PTK2: variants seen among roughly 807,000 people sequenced by gnomAD.
The protein encoded by PTK2 is focal adhesion kinase 1.
In PTK2, 45 loss-of-function variants were observed where a neutral mutation model predicts 150.1. That is an observed-to-expected ratio of 0.30 (90% CI 0.24 to 0.38). The LOEUF (loss-of-function observed/expected upper bound fraction) is 0.38. PTK2 is among the 10% of genes least tolerant of loss of function. The probability of loss-of-function intolerance (pLI) is 1.00; values close to 1 mark genes in which losing one functional copy is unlikely to be tolerated. For synonymous variants in PTK2, 432 were observed against 449.2 expected (o/e 0.96, Z 0.48); for missense variants, 919 against 1,307.3 (o/e 0.70, Z 4.58).
intron 1 of PTK2, among the ~76,000 whole-genome samples, chr8:140,964,746 G>C (rs774161299): frequency 6.6e-6 from 1 of 151,868 alleles, no homozygotes; most frequent in African/African-American, 2.4e-5. Context: ...TATAATGCTA[G>C]CAACAGTATA....
intron 4 of PTK2, among the ~76,000 whole-genome samples, chr8:140,871,126 T>C (rs1207402009): frequency 1.3e-5 from 2 of 152,232 alleles, no homozygotes; most frequent in South Asian, 2.1e-4. Flanking sequence ...ACAGACCATT[T>C]TGAAGTCTAA....
chr8:140,917,969 G>A (rs2100165961), intron 2 of PTK2, among the ~76,000 whole-genome samples: 2 of 152,144 alleles, frequency 1.3e-5, no homozygotes, highest in African/African-American at 4.8e-5. Flanking sequence ...TCTACTCTTA[G>A]GTATTTTTCT....
intron 7 of PTK2, among the ~76,000 whole-genome samples, chr8:140,835,295 C>T (rs1054602142): frequency 6.6e-6 from 1 of 152,170 alleles, no homozygotes; most frequent in East Asian, 1.9e-4. Context: ...TCTCTTCTGG[C>T]AATATTTCTG....
intron 10 of PTK2, among the ~76,000 whole-genome samples, chr8:140,815,346 T>C (rs557394767): frequency 2.0e-5 from 3 of 151,952 alleles, no homozygotes; most frequent in East Asian, 1.9e-4. Flanking sequence ...CTCCCACTTA[T>C]AAGGGAAGCT....
Position 140,744,645 on chromosome 8 carries a change from A to G in PTK2, c.1634+7T>C. The G allele has an allele frequency of 1.3e-6, 2 of 1,524,674 alleles. No individual in the cohort carries two copies. Among genetic ancestry groups the G allele is most frequent in the Non-Finnish European group, 1.8e-6 (2 of 1,111,030 alleles). The allele number at this position is 1,524,674 out of a possible 1,614,324, so 94.4% of individuals were successfully genotyped here. A position where few individuals can be genotyped will look rare whatever the true frequency, so the allele number is the denominator to read the frequency against. ...GGGAACTTAACAGCTTTATGACTGT[A>G]TCTTACCTGTGTACAAATCTTTTGC... On this transcript the variant is annotated splice_region_variant and intron_variant, in intron 19 of 31. Coordinates refer to ENST00000522684, the Ensembl canonical transcript of PTK2.
intron 1 of PTK2, among the ~76,000 whole-genome samples, chr8:140,942,129 T>G (rs1004966149): frequency 3.9e-5 from 6 of 152,258 alleles, no homozygotes; most frequent in African/African-American, 1.4e-4. Context: ...TCCTCCCACC[T>G]CAGCCTCCCA....
At chr8:140,977,306 T>A (rs1288703708) in intron 1 of PTK2, among the ~76,000 whole-genome samples, 1 of 152,064 alleles carries the variant, frequency 6.6e-6, no homozygotes, top group Non-Finnish European at 1.5e-5. Context: ...AGCAGGAGGA[T>A]CGCTTGAACC....
At chr8:140,781,892 G>A (rs1405552077) in intron 14 of PTK2, among the ~76,000 whole-genome samples, 1 of 152,226 alleles carries the variant, frequency 6.6e-6, no homozygotes, top group Non-Finnish European at 1.5e-5. Flanking sequence ...TCTCAACAGT[G>A]GCAAAGGGAG....
chr8:141,001,855 C>G (rs1020447007), upstream of PTK2, among the ~76,000 whole-genome samples: 1 of 152,222 alleles, frequency 6.6e-6, no homozygotes, highest in South Asian at 2.1e-4. Flanking sequence ...CTCAGAGATT[C>G]TTTTCATGGC....
At chr8:140,796,764 G>A (rs1369012571) in intron 12 of PTK2, among the ~76,000 whole-genome samples, 2 of 152,094 alleles carry the variant, frequency 1.3e-5, no homozygotes, top group East Asian at 3.8e-4. Flanking sequence ...GGGAGTTAAT[G>A]TTTTTGTTCA....
chr8:140,979,689 T>G (rs925664093), intron 1 of PTK2, among the ~76,000 whole-genome samples: 5 of 152,022 alleles, frequency 3.3e-5, no homozygotes, highest in Non-Finnish European at 5.9e-5. Context: ...CAGGGACCGG[T>G]GGGAGGTAAC....
intron 19 of PTK2, among the ~76,000 whole-genome samples, chr8:140,743,816 T>C (rs2100057145): frequency 6.6e-6 from 1 of 151,532 alleles, no homozygotes; most frequent in African/African-American, 2.4e-5. Flanking sequence ...CTCGCTCTGT[T>C]GCCCAGGCTG....
intron 1 of PTK2, among the ~76,000 whole-genome samples, chr8:140,930,782 A>G (rs536955742): frequency 6.6e-6 from 1 of 152,204 alleles, no homozygotes; most frequent in Non-Finnish European, 1.5e-5. Flanking sequence ...TTGGAAAAAA[A>G]GAAAATACAG....
At chr8:140,934,973 TG>T (rs1020017188) in intron 1 of PTK2, among the ~76,000 whole-genome samples, 1 of 152,224 alleles carries the variant, frequency 6.6e-6, no homozygotes, top group Non-Finnish European at 1.5e-5. Context: ...AACTCCATTT[TG>T]AAGTTTGAAT....
intron 2 of PTK2, among the ~76,000 whole-genome samples, chr8:140,914,700 T>A (rs1261062925): frequency 6.6e-6 from 1 of 152,124 alleles, no homozygotes; most frequent in Non-Finnish European, 1.5e-5. Context: ...AAACCTCTGT[T>A]GCTCCCAGAA....
chr8:140,832,831 G>A (rs1205142454), intron 7 of PTK2: 8 of 518,590 alleles, frequency 1.5e-5, no homozygotes, highest in Admixed American at 3.9e-5. Context: ...CAAGGTGTAC[G>A]TGCACGCCCT....
chr8:140,678,671 T>C (rs372118639), intron 27 of PTK2, among the ~76,000 whole-genome samples: 1 of 152,190 alleles, frequency 6.6e-6, no homozygotes, highest in East Asian at 1.9e-4. Context: ...CAGTTTTAAG[T>C]AGGAAGGTCA....
chr8:140,904,249 T>C (rs2100159953), intron 2 of PTK2, among the ~76,000 whole-genome samples: 1 of 152,194 alleles, frequency 6.6e-6, no homozygotes, highest in Non-Finnish European at 1.5e-5. Flanking sequence ...TCTGCATCTA[T>C]TGATAATCAT....
chr8:140,681,253 T>A (rs936177113), intron 27 of PTK2, among the ~76,000 whole-genome samples: 4 of 151,202 alleles, frequency 2.6e-5, no homozygotes, highest in African/African-American at 9.8e-5. Context: ...CTTGGGAGGC[T>A]GAGGCAGGAG....
Sources: gnomAD v4.1 joint callset for allele counts (sites outside exome capture counted in the v4.1 genomes callset) on GRCh38, gnomAD v4.1.1 for gene constraint, MANE v1.5 for transcripts, NCBI Gene and HGNC (gene_info 2026-07-23, HGNC 2026-07-21) for gene names.